Variants in INPP4B observed in about 807,000 individuals in gnomAD.
INPP4B encodes inositol polyphosphate-4-phosphatase type II B.
In INPP4B, 55 loss-of-function variants were observed where a neutral mutation model predicts 122.5. That is an observed-to-expected ratio of 0.45 (90% CI 0.36 to 0.56). INPP4B has a LOEUF of 0.56. INPP4B is among the 20% of genes least tolerant of loss of function. INPP4B has a pLI of 0.00. For synonymous variants in INPP4B, 403 were observed against 388.7 expected (o/e 1.04, Z -0.43); for missense variants, 1,000 against 1,097.7 (o/e 0.91, Z 1.26).
chr4:142,758,867 C>T (rs1369401669), intron 1 of INPP4B, among the ~76,000 whole-genome samples: 1 of 151,250 alleles, frequency 6.6e-6, no homozygotes, highest in African/African-American at 2.4e-5. Context: ...GCACGAGACT[C>T]GCTTGAACCC....
chr4:142,172,131 A>G (rs914811168), intron 16 of INPP4B, among the ~76,000 whole-genome samples: 3 of 151,942 alleles, frequency 2.0e-5, no homozygotes, highest in African/African-American at 7.2e-5. Flanking sequence ...AGGTATTACT[A>G]AGGCATTTGT....
Position 142,513,921 on chromosome 4 carries a change from T to TA in INPP4B, c.-190-51196dup, listed in dbSNP as rs112756122. Among the ~76,000 whole-genome samples the TA allele has an allele frequency of 7.3e-3, 1,107 of 152,236 alleles. 16 individuals are homozygous for TA. Among genetic ancestry groups the TA allele is most frequent in the African/African-American group, 0.025 (1,049 of 41,550 alleles). ...TTCTATTTTGTAGAAACAGACAATT[T>TA]AAAAAAATCAACCAGGTAATTTCAG... is the stretch of plus-strand genomic sequence containing the variant. On this transcript the variant is annotated intron_variant, in intron 2 of 25. Transcript: ENST00000262992.
intron 15 of INPP4B, among the ~76,000 whole-genome samples, chr4:142,180,231 C>T (rs910096789): frequency 6.6e-6 from 1 of 151,976 alleles, no homozygotes; most frequent in Admixed American, 6.6e-5. Flanking sequence ...TTATTCTAGA[C>T]AAACTATACT....
intron 23 of INPP4B, among the ~76,000 whole-genome samples, chr4:142,099,423 G>C (rs113227768): frequency 2.0e-5 from 3 of 152,076 alleles, no homozygotes; most frequent in African/African-American, 7.2e-5. Context: ...TAACTGACTG[G>C]ATTTTTCATT....
chr4:142,826,858 T>G (rs1284034849), intron 1 of INPP4B, among the ~76,000 whole-genome samples: 1 of 152,234 alleles, frequency 6.6e-6, no homozygotes, highest in Non-Finnish European at 1.5e-5. Flanking sequence ...TTTTCGTTAT[T>G]AAAAGCTCTT....
intron 16 of INPP4B, among the ~76,000 whole-genome samples, chr4:142,168,435 T>C (rs1823941211): frequency 6.6e-6 from 1 of 151,602 alleles, no homozygotes; most frequent in Non-Finnish European, 1.5e-5. Flanking sequence ...CTTTAAATAA[T>C]GTTGGATTTT....
In INPP4B at chr4:142,599,256, A is replaced by G. The variant is rs558211695; in HGVS notation, c.-191+126583T>C. On this transcript the variant is annotated intron_variant, in intron 2 of 25. Coordinates refer to ENST00000262992, the MANE Select transcript of INPP4B (RefSeq NM_001101669.3). ...CTCAGCATCAGTCTGACTGTCTGCT[A>G]ACACCAGTGCCAACATAAGCCATCC... Among the ~76,000 whole-genome samples the G allele has an allele frequency of 5.3e-5, 8 of 152,310 alleles. No homozygotes were observed. In the East Asian group the frequency reaches 1.5e-3, roughly 29 times the overall value.
chr4:142,539,163 A>G (rs1371177540), intron 2 of INPP4B, among the ~76,000 whole-genome samples: 1 of 150,796 alleles, frequency 6.6e-6, no homozygotes, highest in Non-Finnish European at 1.5e-5. Flanking sequence ...TAAAATATAT[A>G]TATATATATA....
intron 2 of INPP4B, among the ~76,000 whole-genome samples, chr4:142,545,763 A>ATATATATG (rs1829533452): frequency 6.9e-6 from 1 of 144,766 alleles, no homozygotes; most frequent in African/African-American, 2.6e-5. Context: ...ACACATGTAT[A>ATATATATG]TGTGTGTATA....
intron 23 of INPP4B, among the ~76,000 whole-genome samples, chr4:142,103,316 T>C (rs1209255901): frequency 6.6e-6 from 1 of 152,112 alleles, no homozygotes; most frequent in African/African-American, 2.4e-5. Flanking sequence ...TGTTCTCATT[T>C]TATAATGTAT....
chr4:142,423,895 G>A (rs1807476975), intron 5 of INPP4B: 1 of 380,590 alleles, frequency 2.6e-6, no homozygotes, highest in Non-Finnish European at 5.0e-6. Context: ...GATTAATCAG[G>A]AATCCTATTT....
chr4:142,704,250 GATAA>G (rs1249244207), intron 2 of INPP4B, among the ~76,000 whole-genome samples: 2 of 152,116 alleles, frequency 1.3e-5, no homozygotes, highest in Non-Finnish European at 2.9e-5. Context: ...GAGTGAGACT[GATAA>G]ATAACGTATT....
chr4:142,617,909 G>T (rs1481434374), intron 2 of INPP4B, among the ~76,000 whole-genome samples: 3 of 151,962 alleles, frequency 2.0e-5, no homozygotes, highest in Non-Finnish European at 4.4e-5. Flanking sequence ...CACTCTTCAG[G>T]TTTTGTCTCC....
rs1289479178 is a variant in INPP4B at position 142,545,806 on chromosome 4, CACATAT to C, written c.-190-83086_-190-83081del. ...ACATATATATGTGTGTATATATATA[CACATAT>C]ACATGTGTGTATATATATATATATA... is the stretch of plus-strand genomic sequence containing the variant. On this transcript the variant is annotated intron_variant, in intron 2 of 25. Transcript: ENST00000262992. 2.2e-3 allele frequency among the ~76,000 whole-genome samples: 180 copies of C among 83,440 alleles called. 2 individuals carry two copies. The highest frequency in any genetic ancestry group is 6.1e-3 in the African/African-American group (172 of 28,352). 54.7% of individuals were successfully genotyped at this position (83,440 alleles called of 152,430 possible). A position where few individuals can be genotyped will look rare whatever the true frequency, so the allele number is the denominator to read the frequency against.
chr4:142,029,179 T>C (rs1262090128), intron 25 of INPP4B: 1 of 1,130,648 alleles, frequency 8.8e-7, no homozygotes, highest in Non-Finnish European at 1.1e-6. Flanking sequence ...TATAATTTGC[T>C]CCACAATACA....
intron 7 of INPP4B, among the ~76,000 whole-genome samples, chr4:142,355,149 A>G (rs1783164151): frequency 6.6e-6 from 1 of 152,064 alleles, no homozygotes; most frequent in African/African-American, 2.4e-5. Context: ...TAAAAACTGC[A>G]AAGCGTCTTA....
intron 2 of INPP4B, among the ~76,000 whole-genome samples, chr4:142,626,273 T>C (rs976517940): frequency 1.3e-5 from 2 of 152,078 alleles, no homozygotes; most frequent in African/African-American, 4.8e-5. Flanking sequence ...GTTAGGTTAA[T>C]AATCAGTTGA....
intron 5 of INPP4B, among the ~76,000 whole-genome samples, chr4:142,410,217 T>G (rs2149237194): frequency 6.6e-6 from 1 of 152,332 alleles, no homozygotes; most frequent in Non-Finnish European, 1.5e-5. Context: ...ATTCAAGTAG[T>G]TGTAAAGCAT....
At chr4:142,184,175 C>T (rs1336078409) in intron 15 of INPP4B, among the ~76,000 whole-genome samples, 1 of 152,110 alleles carries the variant, frequency 6.6e-6, no homozygotes, top group Non-Finnish European at 1.5e-5. Flanking sequence ...TCAGATCATT[C>T]TTTGCCTCAC....
Sources: allele counts gnomAD v4.1 joint callset (sites outside exome capture counted in the v4.1 genomes callset), GRCh38; gene constraint gnomAD v4.1.1; transcripts MANE v1.5; gene names NCBI Gene and HGNC (gene_info 2026-07-23, HGNC 2026-07-21).